MACF1: variants seen among roughly 807,000 people sequenced by gnomAD.
MACF1 encodes microtubule actin crosslinking factor 1.
Under a neutral mutation model 854.8 loss-of-function variants are expected in MACF1, and 193 were observed. The observed-to-expected ratio is 0.23, with a 90% confidence interval of 0.20 to 0.25. The LOEUF (loss-of-function observed/expected upper bound fraction) is 0.25. Ranked by LOEUF, MACF1 falls within the 10% of genes least tolerant of loss-of-function variation. The probability of loss-of-function intolerance (pLI) is 1.00; values close to 1 mark genes in which losing one functional copy is unlikely to be tolerated. For synonymous variants in MACF1, 3,185 were observed against 3,226.7 expected (o/e 0.99, Z 0.44); for missense variants, 7,722 against 8,929.1 (o/e 0.86, Z 5.45).
chr1:39,267,909 A>G (rs1482849889), intron 6 of MACF1, among the ~76,000 whole-genome samples: 2 of 152,198 alleles, frequency 1.3e-5, no homozygotes, highest in Non-Finnish European at 2.9e-5. Context: ...AGAAGGCTAG[A>G]TCTTTAAAGT....
At chr1:39,421,026 C>T (rs769690404) in intron 58 of MACF1, among the ~76,000 whole-genome samples, 6 of 151,948 alleles carry the variant, frequency 3.9e-5, no homozygotes, top group East Asian at 3.9e-4. Context: ...CCACCATGCC[C>T]GTCTAATTTT....
At position 39,247,218 on chromosome 1, in the gene MACF1, G is replaced by T. The variant is rs568120922; in HGVS notation, c.172-2796G>T. Among the ~76,000 whole-genome samples, 3 of 151,426 alleles carry T rather than the reference G, an allele frequency of 2.0e-5. No individual in the cohort carries two copies. The East Asian group carries it at 5.8e-4, about 29-fold the overall frequency. Reference sequence around the variant, plus strand: ...CTCCCGTGTAGCTGGGACTACAGGCGCGCGCCACCATGCCCGGCTAATTTT... The same window carrying T: ...CTCCCGTGTAGCTGGGACTACAGGCTCGCGCCACCATGCCCGGCTAATTTT... On this transcript the variant is annotated intron_variant, in intron 2 of 100. Transcript: ENST00000564288.
rs559372243 is a variant in MACF1, at chr1:39,349,578, C to G, written c.10916C>G (p.Thr3639Ser). 2 of 1,614,190 alleles carry G rather than the reference C, an allele frequency of 1.2e-6. No individual in the cohort carries two copies. Among genetic ancestry groups the G allele is most frequent in the Middle Eastern group, 1.6e-4 (1 of 6,062 alleles). ...GCACTGGCAGGCCACCAAGGCAGAACCACCCAGCAGGATCTCTCTGCTTTG... is the reference window on the plus strand; with the variant it reads ...GCACTGGCAGGCCACCAAGGCAGAAGCACCCAGCAGGATCTCTCTGCTTTG... ...ERALAGHQGR[T>S]TQQDLSALQK... is the part of the protein sequence containing the mutation. Residue 3639 changes from threonine to serine, a missense_variant, in exon 42 of 101, where the codon ACC becomes AGC. Physicochemically the swap from Thr to Ser is moderately conservative, Grantham distance 58. Coordinates refer to ENST00000564288, the MANE Select transcript of MACF1 (RefSeq NM_001394062.1).
At chr1:39,390,341 C>T (rs1008884636) in intron 58 of MACF1, among the ~76,000 whole-genome samples, 1 of 152,168 alleles carries the variant, frequency 6.6e-6, no homozygotes, top group Non-Finnish European at 1.5e-5. Context: ...CTCAGAGCCA[C>T]GTAGTCCTAG....
intron 26 of MACF1, among the ~76,000 whole-genome samples, chr1:39,311,460 T>C (rs528280499): frequency 2.0e-5 from 3 of 152,338 alleles, no homozygotes; most frequent in African/African-American, 7.2e-5. Flanking sequence ...TAGTTTACTT[T>C]CTTGTAAAAT....
chr1:39,126,658 G>C (rs1053989892), intron 2 of MACF1, among the ~76,000 whole-genome samples: 1 of 151,952 alleles, frequency 6.6e-6, no homozygotes, highest in Non-Finnish European at 1.5e-5. Flanking sequence ...GTGGTGGTGG[G>C]TGCCTGTAAT....
At chr1:39,344,795 C>T (rs1391491653) in intron 40 of MACF1, among the ~76,000 whole-genome samples, 1 of 152,174 alleles carries the variant, frequency 6.6e-6, no homozygotes. Flanking sequence ...TGAGCCCACT[C>T]GCCCAGCTCC....
intron 49 of MACF1, among the ~76,000 whole-genome samples, chr1:39,366,418 C>CA (rs1251613945): frequency 1.3e-5 from 2 of 152,006 alleles, no homozygotes; most frequent in African/African-American, 4.8e-5. Context: ...ACTGCATCCT[C>CA]AAACTCCTGG....
chr1:39,285,839 C>T, intron 14 of MACF1, 81 bp downstream of exon 14: 1 of 1,493,836 alleles, frequency 6.7e-7, no homozygotes, highest in East Asian at 2.3e-5. Flanking sequence ...AAGAGTCAGG[C>T]ACTTAATCTT....
chr1:39,424,092 G>T lies in MACF1; in HGVS notation c.16214G>T (p.Arg5405Ile). 1 of 1,612,768 alleles carries T rather than the reference G, an allele frequency of 6.2e-7. No homozygotes were observed. The highest frequency in any genetic ancestry group is 8.5e-7 in the Non-Finnish European group (1 of 1,179,838). The change falls in exon 61 of 101, where the codon AGA (arginine) becomes ATA (isoleucine). Residue 5405 changes from arginine (R) to isoleucine (I), a missense_variant. Around this residue, in one of 15 missense-constraint regions of MACF1, gnomAD observed 2,807 missense variants for 3,235.8 expected, o/e 0.87. Transcript: ENST00000564288. Reference sequence around the variant, plus strand: ...GACATGCTTCAAGCAGAAGGAGGCAGAATAGCCCAGTCAGCAGAGCTGGCT... The same window carrying T: ...GACATGCTTCAAGCAGAAGGAGGCATAATAGCCCAGTCAGCAGAGCTGGCT... ...TVDMLQAEGGRIAQSAELADR... is the reference protein window; with the variant it reads ...TVDMLQAEGGIIAQSAELADR...
chr1:39,171,068 A>G (rs547206552), intron 2 of MACF1, among the ~76,000 whole-genome samples: 5 of 152,168 alleles, frequency 3.3e-5, no homozygotes, highest in Admixed American at 3.3e-4. Flanking sequence ...AGCTTCTGAC[A>G]TTTTTATTTT....
At chr1:39,187,251 AT>A (rs1644185489) in intron 2 of MACF1, among the ~76,000 whole-genome samples, 1 of 152,078 alleles carries the variant, frequency 6.6e-6, no homozygotes, top group Non-Finnish European at 1.5e-5. Context: ...TAATTGCCAT[AT>A]TTTGTCACTT....
At chr1:39,149,613 A>G (rs1643534141) in intron 2 of MACF1, among the ~76,000 whole-genome samples, 3 of 152,314 alleles carry the variant, frequency 2.0e-5, no homozygotes, top group South Asian at 4.1e-4. Context: ...GGGAGGAAAG[A>G]TACGGATTCA....
intron 80 of MACF1, among the ~76,000 whole-genome samples, chr1:39,445,523 CCTAT>C (rs1644209279): frequency 6.6e-6 from 1 of 152,120 alleles, no homozygotes; most frequent in African/African-American, 2.4e-5. Flanking sequence ...TAAAGACGAC[CCTAT>C]CTTTGGGAAA....
At chr1:39,325,183 C>T (rs912716767) in intron 35 of MACF1, among the ~76,000 whole-genome samples, 1 of 152,134 alleles carries the variant, frequency 6.6e-6, no homozygotes, top group African/African-American at 2.4e-5. Context: ...GTAGATTACT[C>T]AAAAGGGCTT....
chr1:39,093,802 T>C (rs913907504), intron 2 of MACF1, among the ~76,000 whole-genome samples: 4 of 150,002 alleles, frequency 2.7e-5, no homozygotes, highest in African/African-American at 9.9e-5. Flanking sequence ...CTTTTCTTTT[T>C]TTTGAGACGG....
At chr1:39,096,853 C>A (rs1245073456) in intron 2 of MACF1, among the ~76,000 whole-genome samples, 1 of 151,658 alleles carries the variant, frequency 6.6e-6, no homozygotes, top group East Asian at 1.9e-4. Context: ...GACCTACTGC[C>A]CAGAGTCTTC....
At chr1:39,236,643 G>C (rs1316496949) in intron 2 of MACF1, among the ~76,000 whole-genome samples, 1 of 152,120 alleles carries the variant, frequency 6.6e-6, no homozygotes, top group Non-Finnish European at 1.5e-5. Context: ...AGAGAAGTAA[G>C]GAGAAAAGAA....
chr1:39,448,417 G>T (rs1245872888), intron 83 of MACF1, among the ~76,000 whole-genome samples, 177 bp from the exon 84 acceptor site: 1 of 151,942 alleles, frequency 6.6e-6, no homozygotes, highest in African/African-American at 2.4e-5. Flanking sequence ...TTCTATATAT[G>T]GTATAAACAA....
Sources: gnomAD v4.1 joint callset for allele counts (sites outside exome capture counted in the v4.1 genomes callset) on GRCh38, gnomAD v4.1.1 for gene constraint, gnomAD v4.1.1 regional missense constraint, MANE v1.5 for transcripts, NCBI Gene and HGNC (gene_info 2026-07-23, HGNC 2026-07-21) for gene names.